The following SLC60A1 variants were observed in gnomAD, a reference collection of about 807,000 sequenced individuals.
SLC60A1 encodes the protein solute carrier family 60 member 1, also known as major facilitator superfamily domain containing 4.
At chr1:205,597,373 G>GTTTTTTTTTGTTTTTTT in the SLC60A1 span, among the ~76,000 whole-genome samples, 1 of 37,228 alleles carries the variant, frequency 2.7e-5, no homozygotes, top group Non-Finnish European at 7.0e-5. Flanking sequence ...AACCTAGGTT[G>GTTTTTTTTTGTTTTTTT]TTTTTTTTTT....
At chr1:205,580,573 G>A in the SLC60A1 span, 1 of 1,509,550 alleles carries the variant, frequency 6.6e-7, no homozygotes, top group Non-Finnish European at 9.0e-7. The surrounding 1 kb of genome is among the most constrained non-coding windows in gnomAD (Gnocchi z 5.0). Flanking sequence ...GGCTCAGTGT[G>A]GGTCCTCTGG....
the SLC60A1 span, chr1:205,591,980 G>A: frequency 1.1e-6 from 1 of 938,014 alleles, no homozygotes; most frequent in East Asian, 2.7e-5. Flanking sequence ...GGAACACTGC[G>A]GTTCCCGCCT....
the SLC60A1 span, chr1:205,580,637 C>CCCCCCCCA: frequency 6.3e-7 from 1 of 1,583,044 alleles, no homozygotes; most frequent in Non-Finnish European, 8.6e-7. The surrounding 1 kb of genome is among the most constrained non-coding windows in gnomAD (Gnocchi z 5.0). Flanking sequence ...CCACCCCCAC[C>CCCCCCCCA]CGCCACCTCT....
At chr1:205,601,415 T>C in the SLC60A1 span, 1 of 152,118 alleles carries the variant, frequency 6.6e-6, no homozygotes, top group African/African-American at 2.4e-5. Flanking sequence ...TGGTTAAACA[T>C]TTACCAGCAT....
chr1:205,576,375 G>T, the SLC60A1 span, among the ~76,000 whole-genome samples: 1 of 152,176 alleles, frequency 6.6e-6, no homozygotes, highest in Non-Finnish European at 1.5e-5. Context: ...AGCAAAGGAG[G>T]ATGAAATGTC....
chr1:205,579,761 T>A, the SLC60A1 span: 1 of 1,613,926 alleles, frequency 6.2e-7, no homozygotes, highest in Non-Finnish European at 8.5e-7. Flanking sequence ...CCTGGCCCAG[T>A]CACTATGGGC....
the SLC60A1 span, among the ~76,000 whole-genome samples, chr1:205,573,266 A>G: frequency 1.3e-5 from 2 of 152,026 alleles, no homozygotes; most frequent in Admixed American, 6.5e-5. Flanking sequence ...AAACAAAAAC[A>G]AAAATTAGCT....
the SLC60A1 span, among the ~76,000 whole-genome samples, chr1:205,577,502 C>T: frequency 6.6e-6 from 1 of 152,198 alleles, no homozygotes; most frequent in Non-Finnish European, 1.5e-5. The surrounding 1 kb of genome is among the most constrained non-coding windows in gnomAD (Gnocchi z 5.2). Flanking sequence ...ATGTGGATCT[C>T]TGCTAACCCC....
the SLC60A1 span, among the ~76,000 whole-genome samples, chr1:205,588,461 C>T: frequency 1.2e-5 from 1 of 83,752 alleles, no homozygotes; most frequent in Admixed American, 1.9e-4. Flanking sequence ...CAGAGCAAGA[C>T]TTCAAATCAA....
At chr1:205,602,592 T>C in the SLC60A1 span, 1 of 152,674 alleles carries the variant, frequency 6.5e-6, no homozygotes, top group Non-Finnish European at 1.5e-5. Context: ...TCATGTTTGG[T>C]ACATATTTAT....
chr1:205,578,619 C>G, the SLC60A1 span, among the ~76,000 whole-genome samples: 14 of 152,266 alleles, frequency 9.2e-5, no homozygotes, highest in South Asian at 2.9e-3. Context: ...GGCTGAGGGC[C>G]AAGGCCAAGA....
the SLC60A1 span, among the ~76,000 whole-genome samples, chr1:205,586,549 C>T: frequency 6.6e-6 from 1 of 152,216 alleles, no homozygotes; most frequent in Non-Finnish European, 1.5e-5. Context: ...AGTGCTGGCC[C>T]TGGTCCTCCT....
chr1:205,599,339 C>T, the SLC60A1 span: 5 of 1,519,920 alleles, frequency 3.3e-6, no homozygotes, highest in African/African-American at 2.8e-5. Flanking sequence ...TGGATCTTAA[C>T]GTGCCAGAAA....
chr1:205,582,947 A>C, the SLC60A1 span, among the ~76,000 whole-genome samples: 1 of 152,156 alleles, frequency 6.6e-6, no homozygotes, highest in Non-Finnish European at 1.5e-5. Flanking sequence ...GCAGTCTGCC[A>C]GCCTTCCATC....
At chr1:205,601,393 C>G in the SLC60A1 span, 1 of 152,084 alleles carries the variant, frequency 6.6e-6, no homozygotes, top group African/African-American at 2.4e-5. Context: ...GCTACAGATC[C>G]CGGAGAGCCA....
chr1:205,600,363 A>G, the SLC60A1 span: 1 of 1,578,384 alleles, frequency 6.3e-7, no homozygotes. Flanking sequence ...GCAACTCATC[A>G]GAGCTGCTGA....
At chr1:205,600,411 A>G in the SLC60A1 span, 7 of 1,614,132 alleles carry the variant, frequency 4.3e-6, no homozygotes, top group Non-Finnish European at 5.9e-6. Flanking sequence ...TGTAGTTCCT[A>G]CCCAAGACAG....
At chr1:205,594,195 C>T in the SLC60A1 span, among the ~76,000 whole-genome samples, 1 of 152,226 alleles carries the variant, frequency 6.6e-6, no homozygotes, top group Non-Finnish European at 1.5e-5. Flanking sequence ...AGGACAGCCA[C>T]GCACCCAGCT....
At chr1:205,599,483 G>A in the SLC60A1 span, among the ~76,000 whole-genome samples, 3 of 152,174 alleles carry the variant, frequency 2.0e-5, no homozygotes, top group African/African-American at 7.2e-5. Context: ...GCTGACTCAT[G>A]GTTTCTCCAT....
Sources: allele counts gnomAD v4.1 joint callset (sites outside exome capture counted in the v4.1 genomes callset), GRCh38; gene constraint gnomAD v4.1.1; non-coding constraint Gnocchi (gnomAD v3.1); transcripts MANE v1.5; gene names NCBI Gene and HGNC (gene_info 2026-07-23, HGNC 2026-07-21).